The following CTNNA3 variants were observed in gnomAD, a reference collection of about 807,000 sequenced individuals.
CTNNA3 encodes the protein catenin alpha 3.
In CTNNA3, 76 loss-of-function variants were observed where a neutral mutation model predicts 95.7. The ratio of observed to expected loss-of-function variants is 0.79; its 90% CI spans 0.66 to 0.96. CTNNA3 has a LOEUF of 0.96. Among genes scored for constraint, CTNNA3 ranks in the 40% least tolerant of loss-of-function variants. The pLI is 0.00. For missense variants in CTNNA3, 1,191 were observed against 1,089.8 expected, an observed-to-expected ratio of 1.09 and a Z score of -1.31; for synonymous variants, 431 against 374.4, an observed-to-expected ratio of 1.15 and a Z score of -1.74.
At chr10:66,265,921 C>T (rs2091137302) in intron 13 of CTNNA3, among the ~76,000 whole-genome samples, 1 of 151,912 alleles carries the variant, frequency 6.6e-6, no homozygotes, top group Non-Finnish European at 1.5e-5. Context: ...TTATCTATCT[C>T]CATATGGCTA....
At chr10:66,242,656 C>G (rs908570517) in intron 13 of CTNNA3, among the ~76,000 whole-genome samples, 1 of 152,254 alleles carries the variant, frequency 6.6e-6, no homozygotes, top group Admixed American at 6.5e-5. Flanking sequence ...GTGGACCAGT[C>G]AGAACCCTTA....
chr10:66,193,756 T>C (rs560709270), intron 13 of CTNNA3, among the ~76,000 whole-genome samples: 7 of 152,264 alleles, frequency 4.6e-5, no homozygotes, highest in Admixed American at 2.6e-4. Context: ...ACATAGCAGA[T>C]TTCTTTCTAA....
chr10:66,165,102 C>T (rs1018008980), intron 13 of CTNNA3, among the ~76,000 whole-genome samples: 3 of 152,118 alleles, frequency 2.0e-5, no homozygotes, highest in African/African-American at 4.8e-5. Flanking sequence ...AGAATAACGT[C>T]GTGTACTTTG....
At chr10:66,308,194 C>T (rs1474569843) in intron 12 of CTNNA3, among the ~76,000 whole-genome samples, 2 of 152,070 alleles carry the variant, frequency 1.3e-5, no homozygotes, top group African/African-American at 4.8e-5. Flanking sequence ...TATATGGTTC[C>T]AGAAAAAATA....
intron 5 of CTNNA3, among the ~76,000 whole-genome samples, chr10:67,229,379 T>C (rs756049470): frequency 1.1e-4 from 16 of 152,100 alleles, no homozygotes; most frequent in Non-Finnish European, 1.9e-4. Flanking sequence ...TGGGGAAAAG[T>C]TGAAAGCATT....
At chr10:66,148,973 T>G (rs1589557222) in intron 13 of CTNNA3, among the ~76,000 whole-genome samples, 2 of 151,590 alleles carry the variant, frequency 1.3e-5, no homozygotes, top group East Asian at 3.9e-4. Flanking sequence ...GTAATGAACA[T>G]GCATTATATT....
At chr10:67,587,112 C>A (rs1842651660) in intron 3 of CTNNA3, among the ~76,000 whole-genome samples, 1 of 151,872 alleles carries the variant, frequency 6.6e-6, no homozygotes, top group Admixed American at 6.6e-5. Flanking sequence ...ACAGCCTCTA[C>A]CTCCCAGGCT....
chr10:66,749,704 T>G (rs1388589318), intron 9 of CTNNA3, among the ~76,000 whole-genome samples: 1 of 152,206 alleles, frequency 6.6e-6, no homozygotes, highest in Non-Finnish European at 1.5e-5. Context: ...GACATAAGTT[T>G]TCAAATCCCT....
At chr10:66,678,770 C>T (rs1016452257) in intron 9 of CTNNA3, among the ~76,000 whole-genome samples, 6 of 152,138 alleles carry the variant, frequency 3.9e-5, no homozygotes, top group South Asian at 2.1e-4. Flanking sequence ...TCCAAAGAGT[C>T]GACTCCTCTT....
At chr10:67,687,911 G>T (rs1840764705) in intron 1 of CTNNA3, among the ~76,000 whole-genome samples, 2 of 152,108 alleles carry the variant, frequency 1.3e-5, no homozygotes, top group African/African-American at 4.8e-5. Flanking sequence ...CTGAGTCGAG[G>T]TCCCAGTGGG....
At chr10:66,896,845 G>A (rs911743864) in intron 7 of CTNNA3, among the ~76,000 whole-genome samples, 2 of 152,136 alleles carry the variant, frequency 1.3e-5, no homozygotes, top group East Asian at 3.8e-4. Flanking sequence ...TGTAGGAGTC[G>A]GCTCAAGGCC....
chr10:66,115,789 G>A (rs2133798095), intron 13 of CTNNA3, among the ~76,000 whole-genome samples: 1 of 152,122 alleles, frequency 6.6e-6, no homozygotes, highest in African/African-American at 2.4e-5. Context: ...TCCAGCCACG[G>A]ATGTTAAGTA....
chr10:66,296,724 A>G (rs566481746), intron 12 of CTNNA3, among the ~76,000 whole-genome samples: 2 of 152,266 alleles, frequency 1.3e-5, no homozygotes, highest in Admixed American at 1.3e-4. Flanking sequence ...TATGGATTTC[A>G]AGAAGATTTT....
chr10:67,219,701 T>A lies in CTNNA3; in HGVS notation c.749A>T (p.Asn250Ile), dbSNP rs372717475. 6.2e-7 allele frequency: 1 copy of A among 1,614,148 alleles called. No homozygotes were observed. The highest frequency in any genetic ancestry group is 2.2e-5 in the East Asian group (1 of 44,862). ...CCCTTGTGAAGCATTTGAAATTACA[T>A]TGAGAGCATTCTGAATTTCTTCACA... ...TVCEEIQNAL[N>I]VISNASQGIQ... is the part of the protein sequence containing the mutation. The change falls in exon 6 of 18, where the codon AAT (asparagine) becomes ATT (isoleucine). Residue 250 changes from asparagine to isoleucine, a missense_variant. By Grantham distance (149) the Asn-to-Ile change is moderately radical. Coordinates refer to ENST00000433211, the MANE Select transcript of CTNNA3 (RefSeq NM_013266.4).
At chr10:67,662,045 G>C (rs1840205696) in intron 1 of CTNNA3, among the ~76,000 whole-genome samples, 1 of 152,194 alleles carries the variant, frequency 6.6e-6, no homozygotes, top group South Asian at 2.1e-4. Flanking sequence ...ATTTAGCCAA[G>C]AGAAATAAAC....
intron 1 of CTNNA3, among the ~76,000 whole-genome samples, chr10:67,759,494 A>G (rs1361267599): frequency 6.6e-6 from 1 of 152,192 alleles, no homozygotes; most frequent in Non-Finnish European, 1.5e-5. Flanking sequence ...TTTTCATAAT[A>G]CAATTGTGTA....
chr10:66,266,696 T>C (rs2091167301), intron 13 of CTNNA3, among the ~76,000 whole-genome samples: 1 of 151,974 alleles, frequency 6.6e-6, no homozygotes, highest in African/African-American at 2.4e-5. Flanking sequence ...TCCTCTGAGA[T>C]TTTAGATGGT....
chr10:67,425,171 A>C (rs1338712128), intron 5 of CTNNA3, among the ~76,000 whole-genome samples: 1 of 152,148 alleles, frequency 6.6e-6, no homozygotes, highest in Non-Finnish European at 1.5e-5. Flanking sequence ...TGTCTTAATT[A>C]ACTTATTTTT....
intron 7 of CTNNA3, among the ~76,000 whole-genome samples, chr10:67,105,986 C>T (rs1030933357): frequency 1.3e-5 from 2 of 152,198 alleles, no homozygotes; most frequent in Admixed American, 1.3e-4. Context: ...TCCTCTTTAA[C>T]AAACTTCAAA....
Sources: allele counts gnomAD v4.1 joint callset (sites outside exome capture counted in the v4.1 genomes callset), GRCh38; gene constraint gnomAD v4.1.1; transcripts MANE v1.5; gene names NCBI Gene and HGNC (gene_info 2026-07-23, HGNC 2026-07-21).